Variants in NTM observed in about 807,000 individuals in gnomAD.
The protein encoded by NTM is IgLON family member 2.
NTM carries 13 observed loss-of-function variants against 42.1 expected under a neutral mutation model. That is an observed-to-expected ratio of 0.31 (90% CI 0.20 to 0.49). NTM has a LOEUF of 0.49. Ranked by LOEUF, NTM falls within the 20% of genes least tolerant of loss-of-function variation. NTM has a pLI of 0.99. For synonymous variants in NTM, 187 were observed against 179.2 expected (o/e 1.04, Z -0.35); for missense variants, 373 against 452.8 (o/e 0.82, Z 1.60).
At chr11:132,244,273 C>T (rs1055118054) in intron 4 of NTM, among the ~76,000 whole-genome samples, 3 of 152,194 alleles carry the variant, frequency 2.0e-5, no homozygotes, top group African/African-American at 7.2e-5. Flanking sequence ...AACTAGGTCT[C>T]AGGTAATGCA....
intron 1 of NTM, among the ~76,000 whole-genome samples, chr11:131,395,786 C>A (rs1032024566): frequency 9.2e-5 from 14 of 152,170 alleles, no homozygotes; most frequent in Admixed American, 2.0e-4. Context: ...TGGCTGATTT[C>A]CTCTGTTCTT....
At chr11:131,851,534 T>TGTGG (rs1565629439) in intron 1 of NTM, among the ~76,000 whole-genome samples, 10 of 40,522 alleles carry the variant, frequency 2.5e-4, no homozygotes, top group Admixed American at 9.1e-4. Flanking sequence ...GAGAATGGCG[T>TGTGG]GTGTGTGTGT....
intron 1 of NTM, among the ~76,000 whole-genome samples, chr11:131,420,199 G>A (rs1294913809): frequency 6.6e-6 from 1 of 152,166 alleles, no homozygotes; most frequent in Non-Finnish European, 1.5e-5. Context: ...CAGATGGGGA[G>A]TTATCCTGGA....
chr11:131,841,904 A>C (rs971347180), intron 1 of NTM, among the ~76,000 whole-genome samples: 1 of 152,222 alleles, frequency 6.6e-6, no homozygotes, highest in Non-Finnish European at 1.5e-5. Context: ...AGCCAGGGCC[A>C]CAAAGCAGGA....
At chr11:131,580,612 G>T (rs1264311918) in intron 1 of NTM, among the ~76,000 whole-genome samples, 2 of 152,196 alleles carry the variant, frequency 1.3e-5, no homozygotes, top group South Asian at 2.1e-4. Context: ...GATGGAGAGA[G>T]CTAATGGGAG....
chr11:132,228,089 C>T (rs1012062506), intron 4 of NTM, among the ~76,000 whole-genome samples: 2 of 152,204 alleles, frequency 1.3e-5, no homozygotes, highest in African/African-American at 4.8e-5. Flanking sequence ...CTCTGGCCCA[C>T]ACACAAGAAG....
chr11:132,241,784 C>T (rs961466675), intron 4 of NTM, among the ~76,000 whole-genome samples: 1 of 152,196 alleles, frequency 6.6e-6, no homozygotes, highest in African/African-American at 2.4e-5. Context: ...AGCCTCATAT[C>T]CACAAGTGCA....
intron 7 of NTM, among the ~76,000 whole-genome samples, chr11:132,327,389 T>C (rs1342213275): frequency 6.6e-6 from 1 of 152,250 alleles, no homozygotes; most frequent in Admixed American, 6.5e-5. Context: ...AAGTAAACTC[T>C]GTATATCAGA....
At chr11:132,010,556 A>G (rs989104477) in intron 2 of NTM, among the ~76,000 whole-genome samples, 1 of 150,982 alleles carries the variant, frequency 6.6e-6, no homozygotes, top group Non-Finnish European at 1.5e-5. Flanking sequence ...TTTCCCTCCA[A>G]TGGCCAGTCC....
intron 2 of NTM, among the ~76,000 whole-genome samples, chr11:131,993,613 G>T (rs2135150691): frequency 6.6e-6 from 1 of 152,186 alleles, no homozygotes; most frequent in Admixed American, 6.5e-5. Context: ...AGATTTCCTA[G>T]GGTGGATATA....
chr11:131,573,923 C>A (rs1258581198), intron 1 of NTM, among the ~76,000 whole-genome samples: 3 of 152,184 alleles, frequency 2.0e-5, no homozygotes, highest in African/African-American at 7.2e-5. Context: ...TTCTTTTGCT[C>A]ACCAGACACA....
intron 3 of NTM, among the ~76,000 whole-genome samples, chr11:132,153,727 C>T (rs1008778866): frequency 6.6e-6 from 1 of 152,170 alleles, no homozygotes. Context: ...TCTACTGACC[C>T]TGTTGAATTC....
chr11:131,651,879 A>T (rs973289174), intron 1 of NTM, among the ~76,000 whole-genome samples: 1 of 151,564 alleles, frequency 6.6e-6, no homozygotes, highest in African/African-American at 2.4e-5. Flanking sequence ...AAAATATCAT[A>T]AAAAGCAAAA....
intron 1 of NTM, among the ~76,000 whole-genome samples, chr11:131,511,778 G>A (rs1202266600): frequency 6.6e-6 from 1 of 152,086 alleles, no homozygotes; most frequent in Non-Finnish European, 1.5e-5. Context: ...GTTCCATTCG[G>A]ACCCCAGAAT....
intron 4 of NTM, among the ~76,000 whole-genome samples, chr11:132,235,093 A>G (rs538199646): frequency 5.9e-5 from 9 of 152,206 alleles, no homozygotes; most frequent in South Asian, 2.1e-4. Context: ...CTGACTCATG[A>G]CATTCCCTAG....
chr11:131,550,576 C>G (rs1001108434), intron 1 of NTM, among the ~76,000 whole-genome samples: 4 of 152,190 alleles, frequency 2.6e-5, no homozygotes, highest in African/African-American at 9.7e-5. Context: ...CGCCTTCTGC[C>G]ATGATTGTTA....
At chr11:132,070,740 T>G (rs2057465967) in intron 2 of NTM, among the ~76,000 whole-genome samples, 5 of 142,012 alleles carry the variant, frequency 3.5e-5, no homozygotes, top group Admixed American at 3.5e-4. Context: ...AGTTAACACG[T>G]CAAACTGACC....
At chr11:131,770,168 A>T (rs1591719480) in intron 1 of NTM, among the ~76,000 whole-genome samples, 1 of 152,330 alleles carries the variant, frequency 6.6e-6, no homozygotes, top group East Asian at 1.9e-4. Flanking sequence ...TAAATCCTTT[A>T]TCCAGCTAAC....
chr11:131,448,892 T>G (rs1212005819), intron 1 of NTM, among the ~76,000 whole-genome samples: 2 of 152,096 alleles, frequency 1.3e-5, no homozygotes, highest in African/African-American at 4.8e-5. Flanking sequence ...TCTAAGTCAT[T>G]TTGGGGAGTT....
Sources: allele counts gnomAD v4.1 joint callset (sites outside exome capture counted in the v4.1 genomes callset), GRCh38; gene constraint gnomAD v4.1.1; transcripts MANE v1.5; gene names NCBI Gene and HGNC (gene_info 2026-07-23, HGNC 2026-07-21).